MACROD2: variants seen among roughly 807,000 people sequenced by gnomAD.
The protein encoded by MACROD2 is mono-ADP ribosylhydrolase 2.
Under a neutral mutation model 70.4 loss-of-function variants are expected in MACROD2, and 36 were observed. The ratio of observed to expected loss-of-function variants is 0.51; its 90% confidence interval spans 0.39 to 0.68. The LOEUF is 0.68. Ranked by LOEUF, MACROD2 falls within the 30% of genes least tolerant of loss-of-function variation. MACROD2 has a pLI of 0.00. For missense variants in MACROD2, 496 were observed against 538.4 expected (o/e 0.92, Z 0.78); for synonymous variants, 172 against 178.8 (o/e 0.96, Z 0.30).
chr20:15,131,202 G>A (rs2076102250), intron 5 of MACROD2, among the ~76,000 whole-genome samples: 1 of 151,944 alleles, frequency 6.6e-6, no homozygotes, highest in Admixed American at 6.6e-5. Flanking sequence ...ACTAATAACA[G>A]GCAAATTAAG....
At chr20:14,972,842 A>G (rs777509743) in intron 5 of MACROD2, among the ~76,000 whole-genome samples, 21 of 152,174 alleles carry the variant, frequency 1.4e-4, no homozygotes, top group Non-Finnish European at 2.5e-4. Context: ...TAGGGAAGAC[A>G]TCACCAATGG....
At chr20:14,973,611 G>C (rs1192565705) in intron 5 of MACROD2, among the ~76,000 whole-genome samples, 1 of 152,068 alleles carries the variant, frequency 6.6e-6, no homozygotes, top group African/African-American at 2.4e-5. Context: ...TGAAAATTCT[G>C]CTGGAAGTGA....
intron 5 of MACROD2, among the ~76,000 whole-genome samples, chr20:15,190,731 G>C (rs886183557): frequency 6.6e-6 from 1 of 152,200 alleles, no homozygotes; most frequent in African/African-American, 2.4e-5. Context: ...TGAGGGGAAA[G>C]GGTGCACAGG....
chr20:15,357,129 G>C (rs372943402), intron 6 of MACROD2, among the ~76,000 whole-genome samples: 2 of 152,100 alleles, frequency 1.3e-5, no homozygotes, highest in Admixed American at 6.5e-5. Context: ...AAGTAGATTT[G>C]TCTTAGAACA....
chr20:15,006,604 C>CAT (rs779509442), intron 5 of MACROD2, among the ~76,000 whole-genome samples: 4 of 151,914 alleles, frequency 2.6e-5, no homozygotes, highest in African/African-American at 4.8e-5. Context: ...GTATACCTTG[C>CAT]ATATATATAT....
chr20:15,482,454 G>A (rs1326990119), intron 7 of MACROD2, among the ~76,000 whole-genome samples: 3 of 152,272 alleles, frequency 2.0e-5, no homozygotes, highest in Non-Finnish European at 1.5e-5. Context: ...ATGAGGATGT[G>A]CAGAAACAGA....
intron 15 of MACROD2, among the ~76,000 whole-genome samples, chr20:15,998,103 ATC>A (rs1282096355): frequency 6.6e-6 from 1 of 152,134 alleles, no homozygotes; most frequent in East Asian, 1.9e-4. Flanking sequence ...AATGTTTTCT[ATC>A]TATTTTCATC....
intron 3 of MACROD2, among the ~76,000 whole-genome samples, chr20:14,164,873 G>A (rs1221421447): frequency 5.3e-5 from 8 of 152,154 alleles, no homozygotes; most frequent in East Asian, 1.9e-4. Context: ...CGGCTGGGAC[G>A]CATGCACTTT....
chr20:15,054,103 A>G (rs967714366), intron 5 of MACROD2, among the ~76,000 whole-genome samples: 1 of 152,222 alleles, frequency 6.6e-6, no homozygotes, highest in South Asian at 2.1e-4. Flanking sequence ...TGAGCAAAGA[A>G]ACTGGTTTAT....
chr20:15,806,752 T>C (rs1443011843), intron 8 of MACROD2, among the ~76,000 whole-genome samples: 1 of 152,202 alleles, frequency 6.6e-6, no homozygotes, highest in East Asian at 1.9e-4. Context: ...TGTAATTTTG[T>C]TACATATGAA....
At chr20:14,630,719 G>C (rs796705568) in intron 4 of MACROD2, among the ~76,000 whole-genome samples, 6 of 152,236 alleles carry the variant, frequency 3.9e-5, no homozygotes, top group African/African-American at 1.2e-4. Context: ...ATTTGTAGAA[G>C]ATAGGTGAAC....
At chr20:14,425,460 G>A (rs1444081441) in intron 3 of MACROD2, among the ~76,000 whole-genome samples, 1 of 152,110 alleles carries the variant, frequency 6.6e-6, no homozygotes, top group Non-Finnish European at 1.5e-5. Context: ...ACATATAACA[G>A]CTACAATATT....
intron 4 of MACROD2, among the ~76,000 whole-genome samples, chr20:14,630,349 A>G (rs1984440725): frequency 6.6e-6 from 1 of 152,230 alleles, no homozygotes; most frequent in South Asian, 2.1e-4. Flanking sequence ...GCTGTAAGAG[A>G]AGTAGGAAAA....
chr20:14,168,594 A>G (rs540176512), intron 3 of MACROD2, among the ~76,000 whole-genome samples: 1 of 152,330 alleles, frequency 6.6e-6, no homozygotes, highest in Admixed American at 6.5e-5. Flanking sequence ...CACAGTTTAC[A>G]TTAGGGCTCC....
intron 3 of MACROD2, among the ~76,000 whole-genome samples, chr20:14,166,160 T>TA (rs1335821797): frequency 6.6e-6 from 1 of 152,168 alleles, no homozygotes; most frequent in Non-Finnish European, 1.5e-5. Context: ...ATCTTTTGTA[T>TA]AAAAAAAGTT....
intron 2 of MACROD2, among the ~76,000 whole-genome samples, chr20:14,064,803 A>G (rs1248123407): frequency 6.6e-6 from 1 of 152,188 alleles, no homozygotes; most frequent in African/African-American, 2.4e-5. Context: ...CCCAGTGCTG[A>G]GTGCAGTTCA....
chr20:15,282,118 T>C (rs551809974), intron 6 of MACROD2, among the ~76,000 whole-genome samples: 1 of 152,304 alleles, frequency 6.6e-6, no homozygotes, highest in South Asian at 2.1e-4. Flanking sequence ...AGTCCAAAGA[T>C]TGCACAAAGC....
At chr20:14,161,481 C>T (rs534012215) in intron 3 of MACROD2, among the ~76,000 whole-genome samples, 69 of 151,744 alleles carry the variant, frequency 4.5e-4, no homozygotes, top group African/African-American at 1.4e-3. Context: ...CCACTGCGCC[C>T]GGCCAATTTC....
chr20:15,381,574 G>T (rs1274353824), intron 6 of MACROD2, among the ~76,000 whole-genome samples: 1 of 152,160 alleles, frequency 6.6e-6, no homozygotes, highest in East Asian at 1.9e-4. Flanking sequence ...GCTGAGGTGG[G>T]AGGATTGACT....
Sources: allele counts gnomAD v4.1 joint callset (sites outside exome capture counted in the v4.1 genomes callset), GRCh38; gene constraint gnomAD v4.1.1; transcripts MANE v1.5; gene names NCBI Gene and HGNC (gene_info 2026-07-23, HGNC 2026-07-21).